Variants in DMBT1 observed in about 807,000 individuals in gnomAD.
DMBT1 encodes deleted in malignant brain tumors 1.
In DMBT1, 198 loss-of-function variants were observed where a neutral mutation model predicts 252.9. The observed-to-expected ratio is 0.78, with a 90% confidence interval of 0.70 to 0.88. The LOEUF (loss-of-function observed/expected upper bound fraction) is 0.88. Ranked by LOEUF, DMBT1 falls within the 40% of genes least tolerant of loss-of-function variation. DMBT1 has a pLI of 0.00. For synonymous variants in DMBT1, 990 were observed against 942.7 expected (o/e 1.05, Z -0.92); for missense variants, 2,432 against 2,404.7 (o/e 1.01, Z -0.24).
intron 52 of DMBT1, among the ~76,000 whole-genome samples, chr10:122,634,439 TC>T (rs1566007508): frequency 2.0e-5 from 1 of 49,678 alleles, no homozygotes; most frequent in African/African-American, 8.8e-5. Flanking sequence ...CTTCTCTCTC[TC>T]TCTCTCTCTC....
chr10:122,587,949 C>T lies in DMBT1; in HGVS notation c.1784-995C>T, dbSNP rs144961598. On this transcript the variant is annotated intron_variant, in intron 16 of 55. Coordinates refer to ENST00000338354, the MANE Select transcript of DMBT1 (RefSeq NM_001377530.1). ...GGGATTGGACTGGTCTCCAGCGAGG[C>T]CTATGTCCCTTCCTGAGCTTACTGG... 1.8e-3 allele frequency among the ~76,000 whole-genome samples: 270 copies of T among 148,410 alleles called. 30 individuals are homozygous for T. The highest frequency in any genetic ancestry group is 2.9e-4 in the Non-Finnish European group (19 of 66,626).
At chr10:122,629,349 C>A (rs182802349) in intron 46 of DMBT1, among the ~76,000 whole-genome samples, 1 of 152,192 alleles carries the variant, frequency 6.6e-6, no homozygotes, top group Non-Finnish European at 1.5e-5. Context: ...AAGATGCAAA[C>A]CCAGGCTTCT....
intron 16 of DMBT1, among the ~76,000 whole-genome samples, chr10:122,587,714 GGA>G (rs1391300602): frequency 6.7e-6 from 1 of 148,604 alleles, no homozygotes; most frequent in Non-Finnish European, 1.5e-5. Flanking sequence ...GCTCAGGCAA[GGA>G]GAGAGATATT....
chr10:122,620,942 G>A (rs3740225), intron 43 of DMBT1, 115 bp from the exon 44 acceptor site: 70,331 of 1,542,948 alleles, frequency 0.046, 3,695 homozygotes, highest in East Asian at 0.26. Flanking sequence ...ATATTCAAAG[G>A]TGATTACCTG....
intron 1 of DMBT1, among the ~76,000 whole-genome samples, chr10:122,562,591 A>G (rs1188287606): frequency 6.6e-6 from 1 of 152,248 alleles, no homozygotes; most frequent in Non-Finnish European, 1.5e-5. Flanking sequence ...TCTCTGAACC[A>G]TGACATGGAA....
chr10:122,571,621 T>A (rs546179579), intron 4 of DMBT1, among the ~76,000 whole-genome samples: 1 of 152,344 alleles, frequency 6.6e-6, no homozygotes, highest in Non-Finnish European at 1.5e-5. Flanking sequence ...AGTGCCAGGA[T>A]GTGTGCAGAC....
At chr10:122,623,959 C>T (rs544849974) in intron 44 of DMBT1, among the ~76,000 whole-genome samples, 1 of 152,338 alleles carries the variant, frequency 6.6e-6, no homozygotes, top group East Asian at 1.9e-4. Flanking sequence ...CCCACTGTCC[C>T]TGTAGCTCAT....
intron 14 of DMBT1, 97 bp from the exon 15 acceptor site, chr10:122,585,174 G>A: frequency 1.4e-6 from 2 of 1,444,948 alleles, no homozygotes; most frequent in South Asian, 1.2e-5. Flanking sequence ...CAGAAGTGGG[G>A]TAGTTTTCAT....
rs570304514 is a variant in DMBT1 at position 122,621,362 on chromosome 10, G to T, written c.5590G>T (p.Ala1864Ser). ...LTHNCGHHED[A>S]GVICSATQIN... ...CCACAACTGTGGCCATCACGAAGACGCTGGTGTCATCTGCTCAGGTGGGCC... is the reference window on the plus strand; with the variant it reads ...CCACAACTGTGGCCATCACGAAGACTCTGGTGTCATCTGCTCAGGTGGGCC... Residue 1864 changes from alanine to serine, a missense_variant, in exon 44 of 56, where the codon GCT becomes TCT. Ala to Ser is a moderately conservative substitution (Grantham distance 99). This residue lies in a region of DMBT1 where 1,162 missense variants were observed against 1,169.0 expected (regional missense o/e 0.99). Coordinates refer to ENST00000338354, the MANE Select transcript of DMBT1 (RefSeq NM_001377530.1). 3.7e-6 allele frequency: 6 copies of T among 1,613,864 alleles called. No individual in the cohort carries two copies. In the South Asian group the frequency reaches 6.6e-5, roughly 18 times the overall value.
chr10:122,568,239 G>A (rs141033215), intron 2 of DMBT1, among the ~76,000 whole-genome samples: 89 of 152,254 alleles, frequency 5.8e-4, no homozygotes, highest in Non-Finnish European at 7.4e-4. Flanking sequence ...TCAAACGGAG[G>A]GAAGAGGCTG....
intron 45 of DMBT1, 119 bp from the exon 46 acceptor site, chr10:122,625,814 T>C (rs1005994881): frequency 1.2e-6 from 1 of 844,336 alleles, no homozygotes; most frequent in Non-Finnish European, 2.0e-6. Flanking sequence ...ACTGGAATGG[T>C]CAAGGCTCTG....
At chr10:122,630,081 T>A in intron 47 of DMBT1, 88 bp downstream of exon 47, 7 of 1,557,298 alleles carry the variant, frequency 4.5e-6, no homozygotes, top group African/African-American at 1.4e-5. Flanking sequence ...GGGATGCTTT[T>A]CACTCTCATG....
intron 20 of DMBT1, among the ~76,000 whole-genome samples, 174 bp from the exon 21 acceptor site, chr10:122,593,395 C>G (rs570090841): frequency 6.8e-6 from 1 of 148,060 alleles, no homozygotes; most frequent in African/African-American, 2.4e-5. Context: ...GGATCTGCCT[C>G]GACCCCTTAC....
intron 2 of DMBT1, among the ~76,000 whole-genome samples, chr10:122,567,512 T>C (rs2097606950): frequency 6.6e-6 from 1 of 152,116 alleles, no homozygotes; most frequent in East Asian, 1.9e-4. Context: ...AAAAGCAACC[T>C]GCCCCCTCCC....
At position 122,578,735 on chromosome 10, in the gene DMBT1, A is replaced by G; in HGVS notation, c.655A>G (p.Ile219Val). ...TLRPESWPVR[I>V]SPPVPTEGSE... ...GTTTACAGAAAGTTGGCCTGTCAGG[A>G]TATCACCACCTGTACCCACAGAAGG... is the stretch of plus-strand genomic sequence containing the variant. Residue 219 changes from isoleucine (I) to valine (V), a missense_variant, in exon 9 of 56, where the codon ATA (isoleucine) becomes GTA (valine). Transcript: ENST00000338354. 1 of 1,609,560 alleles carries G rather than the reference A, an allele frequency of 6.2e-7. No homozygotes were observed. Among genetic ancestry groups the G allele is most frequent in the Non-Finnish European group, 8.5e-7 (1 of 1,177,766 alleles).
rs147743362 is a variant in DMBT1, at chr10:122,597,668, T to C, written c.2918-306T>C. On this transcript the variant is annotated intron_variant, in intron 24 of 55. Coordinates refer to ENST00000338354, the MANE Select transcript of DMBT1 (RefSeq NM_001377530.1). ...AACATTTTAGCTCGAGCTAGTAGAGTGTCAGCAATGGTGTTAGATGTACCC... is the reference window on the plus strand; with the variant it reads ...AACATTTTAGCTCGAGCTAGTAGAGCGTCAGCAATGGTGTTAGATGTACCC... Among the ~76,000 whole-genome samples, 31 of 152,272 alleles carry C rather than the reference T, an allele frequency of 2.0e-4. No homozygotes were observed. The East Asian group carries it at 5.8e-3, about 29-fold the overall frequency.
intron 1 of DMBT1, among the ~76,000 whole-genome samples, 176 bp from the exon 2 acceptor site, chr10:122,565,789 CTT>C (rs2097584903): frequency 6.6e-6 from 1 of 152,248 alleles, no homozygotes; most frequent in Admixed American, 6.5e-5. Flanking sequence ...ATCCAATCCA[CTT>C]GCTTTAATCC....
intron 25 of DMBT1, 51 bp downstream of exon 25, chr10:122,598,063 A>C: frequency 1.2e-6 from 2 of 1,611,890 alleles, no homozygotes; most frequent in Non-Finnish European, 1.7e-6. Context: ...CCTCTGGACA[A>C]ATGTTTTTTC....
rs186723160 is a variant in DMBT1 at position 122,584,789 on chromosome 10, C to A, written c.1420+438C>A. Among the ~76,000 whole-genome samples the A allele has an allele frequency of 5.3e-4, 79 of 149,398 alleles. 8 individuals carry two copies. The highest frequency in any genetic ancestry group is 9.1e-4 in the Non-Finnish European group (61 of 66,946). ...GCAGGCCTGACACCTCCCTTCCTCA[C>A]TCCTTCCAACACCCAGATTCTGCAG... On this transcript the variant is annotated intron_variant, in intron 14 of 55. Coordinates refer to ENST00000338354, the MANE Select transcript of DMBT1 (RefSeq NM_001377530.1).
Sources: gnomAD v4.1 joint callset for allele counts (sites outside exome capture counted in the v4.1 genomes callset) on GRCh38, gnomAD v4.1.1 for gene constraint, gnomAD v4.1.1 regional missense constraint, MANE v1.5 for transcripts, NCBI Gene and HGNC (gene_info 2026-07-23, HGNC 2026-07-21) for gene names.